CEP44: variants seen among roughly 807,000 people sequenced by gnomAD.
CEP44 encodes the protein centrosomal protein 44.
A neutral mutation model predicts 46.7 loss-of-function variants in CEP44; 45 were observed. That is an observed-to-expected ratio of 0.96 (90% CI 0.76 to 1.24). The LOEUF (loss-of-function observed/expected upper bound fraction) is 1.24. Ranked by LOEUF, CEP44 falls within the 50% of genes most tolerant of loss-of-function variation. The pLI is 0.00. For missense variants in CEP44, 475 were observed against 459.7 expected (o/e 1.03, Z -0.30); for synonymous variants, 142 against 146.0 (o/e 0.97, Z 0.20).
rs932563341 is a variant in CEP44 at position 174,309,833 on chromosome 4, CT to C, written c.679-16del. On this transcript the variant is annotated splice_polypyrimidine_tract_variant and intron_variant, in intron 7 of 11. Coordinates refer to ENST00000503780, the MANE Select transcript of CEP44 (RefSeq NM_001040157.3). This position sits in a 1 kb window ranked among gnomAD's most constrained non-coding sequence, Gnocchi z 5.3. ...CAGTTTGTTTAATTTTATTTTTAATCTCTCTAACCTTTTTAGGATGTAAATG... is the reference window on the plus strand; with the variant it reads ...CAGTTTGTTTAATTTTATTTTTAATCCTCTAACCTTTTTAGGATGTAAATG... 6.7e-7 allele frequency: 1 copy of C among 1,498,454 alleles called. No individual in the cohort carries two copies. The highest frequency in any genetic ancestry group is 2.0e-5 in the Admixed American group (1 of 50,674). 92.8% of individuals were successfully genotyped at this position (1,498,454 alleles called of 1,614,324 possible). A position where few individuals can be genotyped will look rare whatever the true frequency, so the allele number is the denominator to read the frequency against.
rs916919519 is a variant in CEP44, at chr4:174,311,214, T to C, written c.961+356T>C. ...GCTTTCTCATATGTAAATAATAATA[T>C]GTAAGAGAAGAAAACACATTTGTCA... is the stretch of plus-strand genomic sequence containing the variant. On this transcript the variant is annotated intron_variant, in intron 9 of 11. Transcript: ENST00000503780. This position sits in a 1 kb window ranked among gnomAD's most constrained non-coding sequence, Gnocchi z 4.4. Among the ~76,000 whole-genome samples, 1 of 151,922 alleles carries C rather than the reference T, an allele frequency of 6.6e-6. No individual in the cohort carries two copies. The highest frequency in any genetic ancestry group is 2.4e-5 in the African/African-American group (1 of 41,412).
At chr4:174,321,263 C>A (rs1380777200), downstream of CEP44, among the ~76,000 whole-genome samples, 1 of 152,114 alleles carries the variant, frequency 6.6e-6, no homozygotes, top group African/African-American at 2.4e-5. Flanking sequence ...TGAATCTAAG[C>A]CTTCAAATTC....
In CEP44 at chr4:174,319,038, A is replaced by G. The variant is rs1039369515; in HGVS notation, c.*1655A>G. 9 of 532,788 alleles carry G rather than the reference A, an allele frequency of 1.7e-5. No homozygotes were observed. The highest frequency in any genetic ancestry group is 2.2e-5 in the Non-Finnish European group (9 of 416,996). 33.0% of individuals were successfully genotyped at this position (532,788 alleles called of 1,614,324 possible). ...TGCCCAGTCTGTTCTCAAACTCGTG[A>G]GCTAAAGCTACTCGCCCACCTGGAT... On this transcript the variant is annotated 3_prime_UTR_variant, in exon 12 of 12. Transcript: ENST00000503780.
intron 1 of CEP44, among the ~76,000 whole-genome samples, chr4:174,296,807 A>G (rs905201755): frequency 7.2e-5 from 9 of 125,324 alleles, no homozygotes; most frequent in African/African-American, 2.8e-4. Context: ...TATTTCTCAT[A>G]GAGGAGTGTT....
chr4:174,306,925 A>C (rs1740476888), intron 6 of CEP44, among the ~76,000 whole-genome samples: 1 of 152,210 alleles, frequency 6.6e-6, no homozygotes, highest in African/African-American at 2.4e-5. Flanking sequence ...AGATCTCTAC[A>C]AGCAAAACTA....
At chr4:174,298,309 G>A (rs1055392372) in intron 2 of CEP44, among the ~76,000 whole-genome samples, 2 of 149,542 alleles carry the variant, frequency 1.3e-5, no homozygotes, top group African/African-American at 4.9e-5. Flanking sequence ...CCAAGTAGCT[G>A]GGACTACAGG....
chr4:174,310,680 CATTT>C lies in CEP44; in HGVS notation c.886-100_886-97del. On this transcript the variant is annotated intron_variant, in intron 8 of 11. Coordinates refer to ENST00000503780, the MANE Select transcript of CEP44 (RefSeq NM_001040157.3). The surrounding 1 kb of genome is among the most constrained non-coding windows in gnomAD (Gnocchi z 4.2). ...TAATAAAAAATTAAAAATATTTAAA[CATTT>C]ATCATGCTACCTTTATATTTTATGC... 1 of 638,922 alleles carries C rather than the reference CATTT, an allele frequency of 1.6e-6. No individual in the cohort carries two copies. The highest frequency in any genetic ancestry group is 2.7e-6 in the Non-Finnish European group (1 of 369,402). The allele number at this position is 638,922 out of a possible 1,614,324, so 39.6% of individuals were successfully genotyped here.
Position 174,310,747 on chromosome 4 carries a change from T to G in CEP44, c.886-36T>G. On this transcript the variant is annotated intron_variant, in intron 8 of 11. Coordinates refer to ENST00000503780, the MANE Select transcript of CEP44 (RefSeq NM_001040157.3). This position sits in a 1 kb window ranked among gnomAD's most constrained non-coding sequence, Gnocchi z 4.2. ...ATATAAAATGAGAGGGTTTTTCTTT[T>G]TATTTCATTCTAAATATTTAACTGT... The G allele has an allele frequency of 1.0e-6, 1 of 996,696 alleles. No homozygotes were observed. The highest frequency in any genetic ancestry group is 1.5e-6 in the Non-Finnish European group (1 of 648,078). The allele number at this position is 996,696 out of a possible 1,614,324, so 61.7% of individuals were successfully genotyped here.
intron 1 of CEP44, among the ~76,000 whole-genome samples, chr4:174,296,763 ATTTTTTTTTTT>A (rs202212472): frequency 8.8e-5 from 8 of 90,420 alleles, no homozygotes; most frequent in Non-Finnish European, 2.1e-5. Context: ...GTCCTTACTG[ATTTTTTTTTTT>A]TTTTTTTTTT....
intron 9 of CEP44, 109 bp from the exon 10 acceptor site, chr4:174,316,057 C>A (rs4695922): frequency 0.32 from 425,895 of 1,317,870 alleles, 74,983 homozygotes; most frequent in Non-Finnish European, 0.36. Context: ...ATGCGGATAG[C>A]CATTTTTAAT....
Position 174,286,244 on chromosome 4 carries a change from G to A in CEP44, c.-148+2301G>A, listed in dbSNP as rs1033544522. ...AGTGGCGAGGGGCTTAAAGTAGGAA[G>A]CTTACTAAATTTAGGATTTTGTAAA... On this transcript the variant is annotated intron_variant, in intron 1 of 11. Coordinates refer to ENST00000503780, the MANE Select transcript of CEP44 (RefSeq NM_001040157.3). This position sits in a 1 kb window ranked among gnomAD's most constrained non-coding sequence, Gnocchi z 5.2. 1.3e-5 allele frequency among the ~76,000 whole-genome samples: 2 copies of A among 152,274 alleles called. No individual in the cohort carries two copies. Among genetic ancestry groups the A allele is most frequent in the African/African-American group, 4.8e-5 (2 of 41,548 alleles).
intron 8 of CEP44, among the ~76,000 whole-genome samples, chr4:174,327,980 T>G (rs911766816): frequency 6.6e-5 from 10 of 152,104 alleles, no homozygotes; most frequent in African/African-American, 2.4e-4. Flanking sequence ...GAAAATAGTT[T>G]TTAAAAAACA....
At chr4:174,299,664 G>A (rs1208620545) in intron 3 of CEP44, among the ~76,000 whole-genome samples, 2 of 152,042 alleles carry the variant, frequency 1.3e-5, no homozygotes, top group African/African-American at 4.8e-5. Context: ...CATTTAAGTC[G>A]AGTGTTCTTT....
downstream of CEP44, among the ~76,000 whole-genome samples, chr4:174,321,573 A>C (rs1050368524): frequency 5.3e-4 from 81 of 152,056 alleles, 1 homozygote; most frequent in Non-Finnish European, 2.1e-4. Flanking sequence ...TATGTTGAAA[A>C]ATTTCCTAGT....
chr4:174,308,957 G>C, intron 7 of CEP44, 98 bp downstream of exon 7: 1 of 1,023,688 alleles, frequency 9.8e-7, no homozygotes, highest in Non-Finnish European at 1.5e-6. Context: ...CTAGCCTTTT[G>C]AATTATTAAT....
At chr4:174,324,617 A>G (rs942607683), downstream of CEP44, among the ~76,000 whole-genome samples, 2 of 152,094 alleles carry the variant, frequency 1.3e-5, no homozygotes, top group South Asian at 2.1e-4. Context: ...AATGTTATGT[A>G]CTGTCTTGAC....
rs183948606 is a variant in CEP44, at chr4:174,329,658, A to G, written c.1087-1824A>G. Among the ~76,000 whole-genome samples, 52 of 152,240 alleles carry G rather than the reference A, an allele frequency of 3.4e-4. No individual in the cohort carries two copies. The highest frequency in any genetic ancestry group is 3.0e-3 in the Admixed American group (46 of 15,288). ...ACCAAAGGGGAAAAGTTCAAAAGGT[A>G]CTTCATAACTTTTTTTTTTAGGTTT... On this transcript the variant is annotated intron_variant, in intron 8 of 8. Coordinates refer to the CEP44 transcript ENST00000426172. The surrounding 1 kb of genome is among the most constrained non-coding windows in gnomAD (Gnocchi z 4.0).
intron 1 of CEP44, chr4:174,285,555 A>AATGTTTTCCAC (rs1737489894): frequency 6.6e-6 from 1 of 152,214 alleles, no homozygotes; most frequent in Non-Finnish European, 1.5e-5. Context: ...ATGTTTTCCA[A>AATGTTTTCCAC]AATGTCAGAA....
chr4:174,296,480 A>G (rs1739026533), intron 1 of CEP44, among the ~76,000 whole-genome samples: 1 of 152,198 alleles, frequency 6.6e-6, no homozygotes, highest in African/African-American at 2.4e-5. Context: ...GTGTAACTAT[A>G]ATTATCTCCT....
Sources: allele counts gnomAD v4.1 joint callset (sites outside exome capture counted in the v4.1 genomes callset), GRCh38; gene constraint gnomAD v4.1.1; non-coding constraint Gnocchi (gnomAD v3.1); transcripts MANE v1.5; gene names NCBI Gene and HGNC (gene_info 2026-07-23, HGNC 2026-07-21).